The following TAB2 variants were observed in gnomAD, a reference collection of about 807,000 sequenced individuals.
The protein encoded by TAB2 is TGF-beta-activated kinase 1 and MAP3K7-binding protein 2.
TAB2 carries 3 observed loss-of-function variants against 65.0 expected under a neutral mutation model. That is an observed-to-expected ratio of 0.05 (90% confidence interval 0.02 to 0.12). The LOEUF is 0.12. Among genes scored for constraint, TAB2 ranks in the 10% least tolerant of loss-of-function variants. The probability of loss-of-function intolerance (pLI) is 1.00; values close to 1 mark genes in which losing one functional copy is unlikely to be tolerated. For synonymous variants in TAB2, 298 were observed against 285.1 expected, an observed-to-expected ratio of 1.05 and a Z score of -0.46; for missense variants, 623 against 840.3, an observed-to-expected ratio of 0.74 and a Z score of 3.20.
intron 1 of TAB2, among the ~76,000 whole-genome samples, chr6:149,240,711 G>A (rs760838394): frequency 2.0e-5 from 3 of 152,094 alleles, no homozygotes; most frequent in Non-Finnish European, 4.4e-5. Flanking sequence ...CATGTTTTAA[G>A]TGTAATGTCT....
At chr6:149,233,275 G>A (rs1031725626) in intron 1 of TAB2, among the ~76,000 whole-genome samples, 5 of 152,108 alleles carry the variant, frequency 3.3e-5, no homozygotes, top group African/African-American at 4.8e-5. Flanking sequence ...TCCAGGGTCC[G>A]AGACAAACCT....
intron 1 of TAB2, among the ~76,000 whole-genome samples, chr6:149,227,361 A>G (rs1777303026): frequency 6.6e-6 from 1 of 152,218 alleles, no homozygotes; most frequent in Non-Finnish European, 1.5e-5. Flanking sequence ...ATATTAAAAA[A>G]TGAGTCAAGA....
At chr6:149,256,272 C>G (rs192773156) in intron 1 of TAB2, among the ~76,000 whole-genome samples, 1 of 152,128 alleles carries the variant, frequency 6.6e-6, no homozygotes, top group Non-Finnish European at 1.5e-5. Context: ...TTCTGTTGTA[C>G]TACTAGAGGG....
At position 149,381,232 on chromosome 6, in the gene TAB2, T is replaced by A. The variant is rs530021579; in HGVS notation, c.1603+1714T>A. Among the ~76,000 whole-genome samples, 8 of 152,370 alleles carry A rather than the reference T, an allele frequency of 5.3e-5. No homozygotes were observed. The South Asian group carries it at 1.5e-3, about 28-fold the overall frequency. On this transcript the variant is annotated intron_variant, in intron 3 of 6. Coordinates refer to ENST00000637181, the MANE Select transcript of TAB2 (RefSeq NM_001292034.3). ...GCCCTAGAAATTGTGTTAAAACTTT[T>A]ATTTTCCATATATCTGTGATTAACT...
At chr6:149,234,881 A>AAC (rs553505517) in intron 1 of TAB2, among the ~76,000 whole-genome samples, 487 of 147,920 alleles carry the variant, frequency 3.3e-3, no homozygotes, top group Non-Finnish European at 4.2e-3. Context: ...AAAAAAAAAA[A>AAC]CACACTCTTT....
chr6:149,224,239 C>T (rs1284976832), intron 1 of TAB2, among the ~76,000 whole-genome samples: 1 of 152,186 alleles, frequency 6.6e-6, no homozygotes, highest in Non-Finnish European at 1.5e-5. Context: ...CTGGCACACA[C>T]TTTGAATAGT....
intron 1 of TAB2, among the ~76,000 whole-genome samples, chr6:149,253,617 CAAAAAA>C (rs1170705031): frequency 3.1e-5 from 2 of 65,300 alleles, no homozygotes; most frequent in South Asian, 6.3e-4. Flanking sequence ...AAGACTGTCT[CAAAAAA>C]AAAAAAAAAA....
intron 1 of TAB2, among the ~76,000 whole-genome samples, chr6:149,350,062 G>A (rs1780439890): frequency 1.3e-5 from 2 of 152,032 alleles, no homozygotes; most frequent in Admixed American, 1.3e-4. Context: ...CTCCCGAGTA[G>A]CTGGGATTAC....
At chr6:149,244,834 A>C in intron 1 of TAB2, 1 of 152,056 alleles carries the variant, frequency 6.6e-6, no homozygotes, top group Non-Finnish European at 1.5e-5. Flanking sequence ...TAGTGAGCAA[A>C]GATAGCGCCA....
chr6:149,403,293 CACAT>C (rs1282090532), intron 6 of TAB2, among the ~76,000 whole-genome samples: 24 of 61,830 alleles, frequency 3.9e-4, no homozygotes, highest in African/African-American at 1.5e-3. Context: ...TACACACACA[CACAT>C]ATATATATAT....
intron 1 of TAB2, among the ~76,000 whole-genome samples, chr6:149,339,924 G>A (rs1780063251): frequency 6.6e-6 from 1 of 151,984 alleles, no homozygotes; most frequent in African/African-American, 2.4e-5. Flanking sequence ...TAATTGCTCT[G>A]TTCATATTTA....
chr6:149,306,567 A>AAG (rs1779075522), intron 1 of TAB2, among the ~76,000 whole-genome samples: 1 of 150,946 alleles, frequency 6.6e-6, no homozygotes, highest in Admixed American at 6.6e-5. Context: ...CAAAAAAAAA[A>AAG]AAAAAACAAA....
At chr6:149,304,988 A>T (rs1393663672) in intron 1 of TAB2, among the ~76,000 whole-genome samples, 1 of 152,244 alleles carries the variant, frequency 6.6e-6, no homozygotes, top group African/African-American at 2.4e-5. Context: ...ATGATTTATG[A>T]TACCAAATAC....
At chr6:149,377,117 T>A (rs1049680404) in intron 2 of TAB2, among the ~76,000 whole-genome samples, 3 of 150,098 alleles carry the variant, frequency 2.0e-5, no homozygotes, top group Non-Finnish European at 3.0e-5. Context: ...TCACCCAGGC[T>A]GGAGTGCAGT....
rs868853630 is a variant in TAB2 at position 149,325,582 on chromosome 6, T to C, written c.-90+7567T>C. Among the ~76,000 whole-genome samples, 31 of 152,310 alleles carry C rather than the reference T, an allele frequency of 2.0e-4. 1 individual carries two copies. The highest frequency in any genetic ancestry group is 6.8e-3 in the Middle Eastern group (2 of 294). ...CTGTGGGAAAAGCTGCATTTTCAAT[T>C]TGAAATTAGTCCACAAATCTATAAT... On this transcript the variant is annotated intron_variant, in intron 1 of 6. Coordinates refer to ENST00000637181, the MANE Select transcript of TAB2 (RefSeq NM_001292034.3).
upstream of TAB2, among the ~76,000 whole-genome samples, chr6:149,313,215 A>G (rs971962661): frequency 2.0e-5 from 3 of 151,854 alleles, no homozygotes; most frequent in Admixed American, 6.6e-5. Context: ...CCAGGCTGGA[A>G]TGCAGTGGTG....
intron 1 of TAB2, among the ~76,000 whole-genome samples, chr6:149,368,305 T>C (rs75005423): frequency 0.021 from 3,237 of 152,216 alleles, 102 homozygotes; most frequent in African/African-American, 0.073. Context: ...GAACTCACCA[T>C]TGGGTTTCAT....
chr6:149,258,416 T>TACACACACACACACAC (rs56710457), intron 1 of TAB2, among the ~76,000 whole-genome samples: 2 of 146,200 alleles, frequency 1.4e-5, no homozygotes, highest in Admixed American at 1.4e-4. Context: ...CATGACTGCC[T>TACACACACACACACAC]ACACACACAC....
chr6:149,248,504 GAGAA>G (rs1262959097), intron 1 of TAB2, among the ~76,000 whole-genome samples: 4 of 151,964 alleles, frequency 2.6e-5, no homozygotes, highest in East Asian at 1.9e-4. Flanking sequence ...GAGAGAAAGA[GAGAA>G]AGAAAGAAAA....
Sources: gnomAD v4.1 joint callset for allele counts (sites outside exome capture counted in the v4.1 genomes callset) on GRCh38, gnomAD v4.1.1 for gene constraint, MANE v1.5 for transcripts, NCBI Gene and HGNC (gene_info 2026-07-23, HGNC 2026-07-21) for gene names.